The following AMDHD1 variants were observed in gnomAD, a reference collection of about 807,000 sequenced individuals.
AMDHD1 encodes the protein amidohydrolase domain containing 1, also known as probable imidazolonepropionase.
In AMDHD1, 45 loss-of-function variants were observed where a neutral mutation model predicts 44.1. The observed-to-expected ratio is 1.02, with a 90% confidence interval of 0.80 to 1.31. AMDHD1 has a LOEUF of 1.31. Ranked by LOEUF, AMDHD1 falls within the 50% of genes most tolerant of loss-of-function variation. The pLI, the probability that AMDHD1 is intolerant of heterozygous loss-of-function variation, is 0.00. For synonymous variants in AMDHD1, 206 were observed against 205.0 expected (o/e 1.00, Z -0.04); for missense variants, 586 against 552.1 (o/e 1.06, Z -0.61).
intron 6 of AMDHD1, among the ~76,000 whole-genome samples, chr12:95,965,045 TCC>T (rs2080602634): frequency 6.7e-6 from 1 of 148,542 alleles, no homozygotes; most frequent in Admixed American, 6.7e-5. Context: ...ATGCCTGTAA[TCC>T]CAGCACTTTG....
chr12:95,944,273 G>A (rs1396849461), intron 1 of AMDHD1, among the ~76,000 whole-genome samples: 1 of 152,166 alleles, frequency 6.6e-6, no homozygotes, highest in African/African-American at 2.4e-5. Context: ...CTTATCTGAG[G>A]CAGTTTAGGG....
intron 1 of AMDHD1, among the ~76,000 whole-genome samples, chr12:95,951,639 T>C (rs1360133344): frequency 6.6e-6 from 1 of 152,218 alleles, no homozygotes; most frequent in African/African-American, 2.4e-5. Context: ...GGTAGCTCTA[T>C]TTTTAGTTTT....
chr12:95,945,592 T>A (rs1237538857), intron 1 of AMDHD1, among the ~76,000 whole-genome samples: 1 of 152,244 alleles, frequency 6.6e-6, no homozygotes, highest in East Asian at 1.9e-4. Context: ...TCTTAAATTT[T>A]CACATCACTT....
Position 95,962,375 on chromosome 12 carries a change from G to A in AMDHD1, c.834G>A (p.Ala278=), listed in dbSNP as rs768021900. The A allele has an allele frequency of 5.0e-6, 8 of 1,613,490 alleles. No homozygotes were observed. The highest frequency in any genetic ancestry group is 1.7e-5 in the Admixed American group (1 of 59,936). The change falls in exon 6 of 9, where the codon GCG becomes GCA. Residue 278 remains alanine (A), a synonymous_variant. Transcript: ENST00000266736. ...CTTAGCTTGGGGCTGAACTGGGAGC[G>A]CAGGCAATCAGCCACCTGGAAGAAG... ...KAAELGAELG[A]QAISHLEEVS...
chr12:95,949,697 A>G (rs1484739544), intron 1 of AMDHD1, among the ~76,000 whole-genome samples: 1 of 152,222 alleles, frequency 6.6e-6, no homozygotes, highest in African/African-American at 2.4e-5. Context: ...AAAGGAAGCT[A>G]TGCATATTGT....
In AMDHD1 at chr12:95,967,736, G is replaced by GTTTT. The variant is rs55989254; in HGVS notation, c.1194-8_1194-5dup. ...TGCACACATTGAAGTAATATTTGTT[G>GTTTT]TTTTTTTTTTTTTTTCTAGATGGGA... On this transcript the variant is annotated intron_variant, in intron 8 of 8. Coordinates refer to ENST00000266736, the MANE Select transcript of AMDHD1 (RefSeq NM_152435.3). 6.0e-4 allele frequency: 751 copies of GTTTT among 1,259,324 alleles called. No homozygotes were observed. The highest frequency in any genetic ancestry group is 1.7e-3 in the East Asian group (58 of 34,698). 78.0% of individuals were successfully genotyped at this position (1,259,324 alleles called of 1,614,324 possible). A position where few individuals can be genotyped will look rare whatever the true frequency, so the allele number is the denominator to read the frequency against.
At chr12:95,963,521 T>C (rs767882780) in intron 6 of AMDHD1, among the ~76,000 whole-genome samples, 2 of 152,232 alleles carry the variant, frequency 1.3e-5, no homozygotes, top group Non-Finnish European at 2.9e-5. Flanking sequence ...ACTATGATTT[T>C]ATATGCACAT....
Position 95,956,731 on chromosome 12 carries a change from T to G in AMDHD1, c.356T>G (p.Ile119Ser), listed in dbSNP as rs2080552245. The G allele has an allele frequency of 6.2e-7, 1 of 1,614,030 alleles. No homozygotes were observed. The highest frequency in any genetic ancestry group is 8.5e-7 in the Non-Finnish European group (1 of 1,180,044). ...GAAATTCACCAGGCCGGAGGAGGGA[T>G]CCACTTTACCGTGGAGCGCACGCGC... ...YMEIHQAGGG[I>S]HFTVERTRQA... Residue 119 changes from isoleucine (I) to serine (S), a missense_variant, in exon 4 of 9, where the codon ATC becomes AGC. By Grantham distance (142) the Ile-to-Ser change is moderately radical (BLOSUM62 -2). Coordinates refer to ENST00000266736, the MANE Select transcript of AMDHD1 (RefSeq NM_152435.3).
chr12:95,962,873 T>C (rs542713719), intron 6 of AMDHD1, among the ~76,000 whole-genome samples: 1 of 152,370 alleles, frequency 6.6e-6, no homozygotes, highest in South Asian at 2.1e-4. Flanking sequence ...ATTCAGAATC[T>C]GCATGAGCTG....
At chr12:95,958,405 A>G (rs542132517) in intron 4 of AMDHD1, among the ~76,000 whole-genome samples, 44 of 152,314 alleles carry the variant, frequency 2.9e-4, no homozygotes, top group African/African-American at 8.9e-4. Flanking sequence ...AGACATAAAT[A>G]TTTAATATTT....
At position 95,966,399 on chromosome 12, in the gene AMDHD1, G is replaced by A; in HGVS notation, c.1084G>A (p.Ala362Thr). The change falls in exon 8 of 9, where the codon GCC becomes ACC. Residue 362 changes from alanine to threonine, a missense_variant. Coordinates refer to ENST00000266736, the MANE Select transcript of AMDHD1 (RefSeq NM_152435.3). ...CVNMRMSMPE[A>T]LAAATINAAY... ...AAACATGAGAATGTCCATGCCTGAG[G>A]CCTTGGCCGCTGCCACCATCAATGC... is the stretch of plus-strand genomic sequence containing the variant. The A allele has an allele frequency of 6.2e-7, 1 of 1,614,226 alleles. No homozygotes were observed. Among genetic ancestry groups the A allele is most frequent in the South Asian group, 1.1e-5 (1 of 91,090 alleles).
chr12:95,965,458 CAT>C (rs1463279734), intron 6 of AMDHD1, among the ~76,000 whole-genome samples: 2 of 152,170 alleles, frequency 1.3e-5, no homozygotes, highest in African/African-American at 4.8e-5. Context: ...GATAAACAAT[CAT>C]TAATTAAATG....
At chr12:95,966,615 C>CA (rs1230133126) in intron 8 of AMDHD1, 107 bp downstream of exon 8, 17 of 1,363,896 alleles carry the variant, frequency 1.2e-5, no homozygotes, top group East Asian at 2.3e-5. Context: ...TGTCTGGACT[C>CA]AGACACTATC....
chr12:95,962,132 G>T (rs1356102206), intron 5 of AMDHD1, among the ~76,000 whole-genome samples: 1 of 152,174 alleles, frequency 6.6e-6, no homozygotes, highest in Non-Finnish European at 1.5e-5. Context: ...TGGGCATGGT[G>T]GCACACGCCT....
intron 1 of AMDHD1, among the ~76,000 whole-genome samples, chr12:95,947,751 C>A (rs1434874161): frequency 1.3e-5 from 1 of 79,994 alleles, no homozygotes; most frequent in African/African-American, 5.1e-5. Flanking sequence ...CCGCCCCGTC[C>A]GGGAGGGAGG....
chr12:95,959,081 GAAA>G (rs1004744970), intron 4 of AMDHD1, among the ~76,000 whole-genome samples: 2 of 151,574 alleles, frequency 1.3e-5, no homozygotes, highest in Non-Finnish European at 1.5e-5. Flanking sequence ...AAAAAGAAAA[GAAA>G]AAAAGAAAAA....
rs2080623910 is a variant in AMDHD1 at position 95,968,561 on chromosome 12, C to T, written c.*718C>T. 4.6e-5 allele frequency: 7 copies of T among 152,198 alleles called. No homozygotes were observed. Among genetic ancestry groups the T allele is most frequent in the Admixed American group, 4.6e-4 (7 of 15,284 alleles). The allele number at this position is 152,198 out of a possible 1,614,324, so 9.4% of individuals were successfully genotyped here. ...TTACAATTGGGTGAAACACATTTTA[C>T]AGCTCTCAATAAATGTTTGCTGTCG... On this transcript the variant is annotated 3_prime_UTR_variant, in exon 9 of 9. Coordinates refer to ENST00000266736, the MANE Select transcript of AMDHD1 (RefSeq NM_152435.3).
chr12:95,947,715 G>GA (rs2080503607), intron 1 of AMDHD1, among the ~76,000 whole-genome samples: 1 of 65,798 alleles, frequency 1.5e-5, no homozygotes, highest in Non-Finnish European at 2.8e-5. Context: ...AGGGAGATGG[G>GA]GGGGTCAGCC....
chr12:95,962,627 C>A, intron 6 of AMDHD1, 148 bp downstream of exon 6: 1 of 984,542 alleles, frequency 1.0e-6, no homozygotes, highest in South Asian at 3.1e-5. Context: ...GATGCCAACC[C>A]TGGACTGATG....
Sources: allele counts gnomAD v4.1 joint callset (sites outside exome capture counted in the v4.1 genomes callset), GRCh38; gene constraint gnomAD v4.1.1; transcripts MANE v1.5; gene names NCBI Gene and HGNC (gene_info 2026-07-23, HGNC 2026-07-21).